NTRK3: variants seen among roughly 807,000 people sequenced by gnomAD.
The protein encoded by NTRK3 is neurotrophic receptor tyrosine kinase 3, also known as NT-3 growth factor receptor.
In NTRK3, 24 loss-of-function variants were observed where a neutral mutation model predicts 91.7. That is an observed-to-expected ratio of 0.26 (90% CI 0.19 to 0.37). The LOEUF is 0.37. Ranked by LOEUF, NTRK3 falls within the 10% of genes least tolerant of loss-of-function variation. The pLI, the probability that NTRK3 is intolerant of heterozygous loss-of-function variation, is 1.00. For missense variants in NTRK3, 880 were observed against 1,068.9 expected, an observed-to-expected ratio of 0.82 and a Z score of 2.46; for synonymous variants, 483 against 404.0, an observed-to-expected ratio of 1.20 and a Z score of -2.34.
chr15:87,862,397 C>A (rs749947867), exon 19 of NTRK3: 1 of 226,798 alleles, frequency 4.4e-6, no homozygotes, highest in African/African-American at 2.2e-5. Context: ...TGATAAGCAA[C>A]ATGGAAAGGG....
chr15:88,013,567 C>A (rs2077028593), intron 14 of NTRK3, among the ~76,000 whole-genome samples: 1 of 152,192 alleles, frequency 6.6e-6, no homozygotes, highest in Non-Finnish European at 1.5e-5. Flanking sequence ...CATTAAGTAA[C>A]ATGAAAGCAG....
At chr15:88,135,233 T>A (rs2151192193) in exon 10 of NTRK3, 1 of 1,614,186 alleles carries the variant, frequency 6.2e-7, no homozygotes, top group Non-Finnish European at 8.5e-7. Context: ...CCCTCGGAAA[T>A]CTCTCCCTCT....
chr15:88,070,324 A>G (rs2046993358), intron 13 of NTRK3, among the ~76,000 whole-genome samples: 1 of 151,900 alleles, frequency 6.6e-6, no homozygotes, highest in African/African-American at 2.4e-5. Flanking sequence ...TTTCCCTTCA[A>G]GCTCCTGCCT....
At chr15:87,881,735 A>G (rs913612647) in intron 17 of NTRK3, among the ~76,000 whole-genome samples, 1 of 151,874 alleles carries the variant, frequency 6.6e-6, no homozygotes, top group Non-Finnish European at 1.5e-5. Context: ...TCTTATTTCT[A>G]TGGGGGGTCA....
chr15:88,200,549 G>A (rs2141267604), intron 3 of NTRK3, among the ~76,000 whole-genome samples: 2 of 152,232 alleles, frequency 1.3e-5, no homozygotes, highest in African/African-American at 4.8e-5. Flanking sequence ...TCGTGATAAT[G>A]GGTGAGTTCT....
chr15:87,872,345 C>T (rs963235121), exon 19 of NTRK3: 6 of 223,478 alleles, frequency 2.7e-5, no homozygotes, highest in Non-Finnish European at 4.5e-5. Flanking sequence ...CAAAGAAAGT[C>T]ATTAGTCATT....
At chr15:87,894,858 T>A (rs2066031062) in intron 17 of NTRK3, among the ~76,000 whole-genome samples, 1 of 152,194 alleles carries the variant, frequency 6.6e-6, no homozygotes, top group Non-Finnish European at 1.5e-5. Flanking sequence ...TCTAAGACTA[T>A]TCTGAGTTGT....
intron 14 of NTRK3, among the ~76,000 whole-genome samples, chr15:88,014,485 G>A (rs1217522376): frequency 6.6e-6 from 1 of 152,202 alleles, no homozygotes. Context: ...GTTCTACAAG[G>A]AAGTTAAGTG....
intron 14 of NTRK3, among the ~76,000 whole-genome samples, chr15:87,948,793 G>A (rs1405459542): frequency 3.3e-5 from 5 of 152,232 alleles, no homozygotes; most frequent in Non-Finnish European, 7.3e-5. Context: ...GATTGTTCCT[G>A]TTGCTGCCCT....
At chr15:87,956,847 C>G (rs1191234127) in intron 14 of NTRK3, among the ~76,000 whole-genome samples, 3 of 152,218 alleles carry the variant, frequency 2.0e-5, no homozygotes, top group African/African-American at 7.2e-5. Flanking sequence ...GCTGGGATTA[C>G]AGGTGTGAGC....
chr15:88,196,345 A>C (rs1399913558), intron 3 of NTRK3, among the ~76,000 whole-genome samples: 1 of 152,190 alleles, frequency 6.6e-6, no homozygotes, highest in Non-Finnish European at 1.5e-5. Flanking sequence ...CGTGCACAGC[A>C]AGCCGGGATG....
chr15:87,914,129 T>C (rs989312147), intron 17 of NTRK3, among the ~76,000 whole-genome samples: 3 of 152,240 alleles, frequency 2.0e-5, no homozygotes, highest in Admixed American at 6.5e-5. Context: ...CCTGATTTCT[T>C]CCTCTTTAAG....
intron 5 of NTRK3, among the ~76,000 whole-genome samples, chr15:88,181,809 T>C (rs1038050551): frequency 1.3e-5 from 2 of 152,238 alleles, no homozygotes; most frequent in Non-Finnish European, 2.9e-5. Flanking sequence ...CAGCTGGAAC[T>C]GATGACTGGT....
intron 3 of NTRK3, among the ~76,000 whole-genome samples, chr15:88,194,272 A>G (rs976372709): frequency 6.6e-6 from 1 of 152,020 alleles, no homozygotes; most frequent in Non-Finnish European, 1.5e-5. Flanking sequence ...GGGCTCCTCT[A>G]TTCACTTCCT....
At chr15:88,059,049 AACACAC>A (rs56706510) in intron 13 of NTRK3, among the ~76,000 whole-genome samples, 40 of 144,714 alleles carry the variant, frequency 2.8e-4, no homozygotes, top group Admixed American at 6.2e-4. Flanking sequence ...CTCACACACA[AACACAC>A]ACACACACAC....
intron 10 of NTRK3, among the ~76,000 whole-genome samples, chr15:88,132,645 A>C (rs2041474887): frequency 6.6e-6 from 1 of 152,218 alleles, no homozygotes; most frequent in South Asian, 2.1e-4. Flanking sequence ...AGAGAAGAGC[A>C]AGAATCACAG....
At chr15:88,095,130 G>T (rs1425243519) in intron 13 of NTRK3, among the ~76,000 whole-genome samples, 1 of 152,170 alleles carries the variant, frequency 6.6e-6, no homozygotes, top group Non-Finnish European at 1.5e-5. Flanking sequence ...ACTGCAAGAA[G>T]GAAGAGTGAG....
intron 17 of NTRK3, among the ~76,000 whole-genome samples, chr15:87,881,736 T>TG (rs1251694177): frequency 6.6e-6 from 1 of 151,770 alleles, no homozygotes; most frequent in South Asian, 2.1e-4. Flanking sequence ...CTTATTTCTA[T>TG]GGGGGGTCAG....
At chr15:87,929,511 C>A (rs1019417815) in intron 16 of NTRK3, 77 bp from the exon 17 acceptor site, 18 of 1,552,346 alleles carry the variant, frequency 1.2e-5, no homozygotes, top group Admixed American at 1.9e-5. Flanking sequence ...TGGGTCCCTG[C>A]CCTCTGGAAT....
Sources: gnomAD v4.1 joint callset for allele counts (sites outside exome capture counted in the v4.1 genomes callset) on GRCh38, gnomAD v4.1.1 for gene constraint, MANE v1.5 for transcripts, NCBI Gene and HGNC (gene_info 2026-07-23, HGNC 2026-07-21) for gene names.